Variants in MBD3 observed in about 807,000 individuals in gnomAD.
MBD3 encodes the protein methyl-CpG-binding domain protein 3.
Under a neutral mutation model 31.2 loss-of-function variants are expected in MBD3, and 13 were observed. That is an observed-to-expected ratio of 0.42 (90% CI 0.27 to 0.66). The LOEUF (loss-of-function observed/expected upper bound fraction) is 0.66. MBD3 is among the 30% of genes least tolerant of loss of function. The probability of loss-of-function intolerance (pLI) is 0.26; values close to 1 mark genes in which losing one functional copy is unlikely to be tolerated. For missense variants in MBD3, 440 were observed against 426.5 expected (o/e 1.03, Z -0.28); for synonymous variants, 223 against 187.4 (o/e 1.19, Z -1.55).
intron 1 of MBD3, chr19:1,586,366 C>T (rs570082723): frequency 1.3e-5 from 2 of 152,394 alleles, no homozygotes; most frequent in African/African-American, 4.8e-5. Context: ...CAGTGAGAGA[C>T]GCCAGACACA....
In MBD3 at chr19:1,584,920, C is replaced by T. The variant is rs1411177757; in HGVS notation, c.270+135G>A. 6.1e-6 allele frequency: 8 copies of T among 1,317,932 alleles called. No individual in the cohort carries two copies. The East Asian group carries it at 2.0e-4, about 34-fold the overall frequency. 81.6% of individuals were successfully genotyped at this position (1,317,932 alleles called of 1,614,324 possible). On this transcript the variant is annotated intron_variant, in intron 2 of 6. Transcript: ENST00000434436. ...CTCTGCACCCTGTGGCCTGCGCCTT[C>T]CGCTCTGTGCCCTCCGCCCGCTGTG...
Position 1,592,858 on chromosome 19 carries a change from G to A in MBD3, c.-227C>T, listed in dbSNP as rs1256022064. The A allele has an allele frequency of 7.0e-6, 1 of 142,132 alleles. No individual in the cohort carries two copies. The highest frequency in any genetic ancestry group is 1.5e-5 in the Non-Finnish European group (1 of 64,652). The allele number at this position is 142,132 out of a possible 1,614,324, so 8.8% of individuals were successfully genotyped here. ...AGCCCCCGCTCGGGGGGCCCGCTCC[G>A]CCCACCCGCCCGCGCGGGGCCCCGC... On this transcript the variant is annotated 5_prime_UTR_variant, in exon 1 of 7. Coordinates refer to ENST00000434436, the MANE Select transcript of MBD3 (RefSeq NM_001281453.2).
At position 1,575,999 on chromosome 19, in the gene MBD3, G is replaced by C. The variant is rs571938238; in HGVS notation, c.*2165C>G. ...TGCGACAGAGAGGGAGAGACAGCAA[G>C]AGACAGAGACAGAGACCGAGGGAGA... is the stretch of plus-strand genomic sequence containing the variant. On this transcript the variant is annotated 3_prime_UTR_variant, in exon 7 of 7. Transcript: ENST00000434436. 5.5e-4 allele frequency: 84 copies of C among 152,416 alleles called. No homozygotes were observed. Among genetic ancestry groups the C allele is most frequent in the Non-Finnish European group, 1.1e-3 (73 of 68,134 alleles). 9.4% of individuals were successfully genotyped at this position (152,416 alleles called of 1,614,324 possible). A position where few individuals can be genotyped will look rare whatever the true frequency, so the allele number is the denominator to read the frequency against.
chr19:1,584,426 CTGG>C, intron 3 of MBD3, 111 bp downstream of exon 3: 2 of 1,489,242 alleles, frequency 1.3e-6, no homozygotes, highest in Non-Finnish European at 9.2e-7. Flanking sequence ...CCAGGCTAGC[CTGG>C]AACTCCTGCG....
rs889589820 is a variant in MBD3 at position 1,583,817 on chromosome 19, A to T, written c.408+723T>A. 2.6e-5 allele frequency among the ~76,000 whole-genome samples: 4 copies of T among 152,164 alleles called. No individual in the cohort carries two copies. In the East Asian group the frequency reaches 5.8e-4, roughly 22 times the overall value. On this transcript the variant is annotated intron_variant, in intron 3 of 6. Transcript: ENST00000434436. Reference sequence around the variant, plus strand: ...AAACATTAGACCATTTCCATTTTTTAAAAATATTTTTATTTTATTTTTGAG... The same window carrying T: ...AAACATTAGACCATTTCCATTTTTTTAAAATATTTTTATTTTATTTTTGAG...
rs2145591754 is a variant in MBD3 at position 1,578,689 on chromosome 19, T to C, written c.678-151A>G. 1.3e-6 allele frequency: 2 copies of C among 1,502,690 alleles called. No homozygotes were observed. The highest frequency in any genetic ancestry group is 1.1e-5 in the South Asian group (1 of 87,920). 93.1% of individuals were successfully genotyped at this position (1,502,690 alleles called of 1,614,324 possible). On this transcript the variant is annotated intron_variant, in intron 5 of 6. Coordinates refer to ENST00000434436, the MANE Select transcript of MBD3 (RefSeq NM_001281453.2). The surrounding 1 kb of genome is among the most constrained non-coding windows in gnomAD (Gnocchi z 6.1). ...AGCCCTGGCCCGTGCCACCCCTCCC[T>C]TCACAATCCACGCAGAGAATGACCG...
Position 1,585,006 on chromosome 19 carries a change from C to G in MBD3, c.270+49G>C. On this transcript the variant is annotated intron_variant, in intron 2 of 6. Coordinates refer to ENST00000434436, the MANE Select transcript of MBD3 (RefSeq NM_001281453.2). The surrounding 1 kb of genome is among the most constrained non-coding windows in gnomAD (Gnocchi z 4.1). ...GCAGCTCACGTCATGGCCGCGTCCC[C>G]GCCTAGAACGCCCCGCGCCGACGTC... 1.2e-6 allele frequency: 2 copies of G among 1,602,128 alleles called. No individual in the cohort carries two copies. The highest frequency in any genetic ancestry group is 1.7e-6 in the Non-Finnish European group (2 of 1,178,322).
At chr19:1,583,235 G>A (rs947577794) in intron 3 of MBD3, 43 of 154,412 alleles carry the variant, frequency 2.8e-4, no homozygotes, top group Non-Finnish European at 5.1e-4. Context: ...AAAATTAGCC[G>A]TGCATTGTGA....
intron 4 of MBD3, 115 bp from the exon 5 acceptor site, chr19:1,581,384 C>G: frequency 9.4e-7 from 1 of 1,067,270 alleles, no homozygotes; most frequent in Non-Finnish European, 1.4e-6. Flanking sequence ...TTGGAAGGAA[C>G]CCCAACTTGG....
intron 5 of MBD3, among the ~76,000 whole-genome samples, chr19:1,580,320 C>T (rs553938433): frequency 2.4e-4 from 37 of 152,208 alleles, no homozygotes; most frequent in Non-Finnish European, 4.7e-4. Flanking sequence ...GTCTCAGGTC[C>T]ATCTGTTCAC....
Position 1,584,554 on chromosome 19 carries a change from C to A in MBD3, c.394G>T (p.Asp132Tyr). ...GTTGAGCTCACCTGGCGCGGCTGGT[C>A]CACCGCCTTCTGCGGGTCGCTCTTG... is the stretch of plus-strand genomic sequence containing the variant. ...KVKSDPQKAV[D>Y]QPRQLFWEKK... is the part of the protein sequence containing the mutation. The change falls in exon 3 of 7, where the codon GAC (aspartate) becomes TAC (tyrosine). Residue 132 changes from aspartate to tyrosine, a missense_variant. By Grantham distance (160) the Asp-to-Tyr change is radical (BLOSUM62 -3). This residue lies in a region of MBD3 where 144 missense variants were observed against 196.9 expected (regional missense o/e 0.73). Transcript: ENST00000434436. The A allele has an allele frequency of 6.2e-7, 1 of 1,613,586 alleles. No homozygotes were observed.
rs768982789 is a variant in MBD3 at position 1,578,338 on chromosome 19, C to A, written c.*2G>T. 4.4e-6 allele frequency: 7 copies of A among 1,602,876 alleles called. No homozygotes were observed. In the South Asian group the frequency reaches 7.7e-5, roughly 18 times the overall value. On this transcript the variant is annotated 3_prime_UTR_variant, in exon 6 of 7. Coordinates refer to ENST00000434436, the MANE Select transcript of MBD3 (RefSeq NM_001281453.2). This position sits in a 1 kb window ranked among gnomAD's most constrained non-coding sequence, Gnocchi z 6.1. Reference sequence around the variant, plus strand: ...AGCCCCCGTGGCCCCGCAGCACCTGCCCTAGACGTGCTCCATCTCCGGGTC... The same window carrying A: ...AGCCCCCGTGGCCCCGCAGCACCTGACCTAGACGTGCTCCATCTCCGGGTC...
At chr19:1,588,612 T>C (rs77056658) in intron 1 of MBD3, among the ~76,000 whole-genome samples, 33,932 of 151,102 alleles carry the variant, frequency 0.22, 3,915 homozygotes, top group East Asian at 0.4. Flanking sequence ...TGAAACCCGT[T>C]TCTACTAAAA....
At chr19:1,582,771 C>G in intron 3 of MBD3, 59 bp from the exon 4 acceptor site, 2 of 1,501,012 alleles carry the variant, frequency 1.3e-6, no homozygotes, top group South Asian at 2.3e-5. Flanking sequence ...CACTCCAGGT[C>G]CTTGCTGGGC....
intron 2 of MBD3, 70 bp downstream of exon 2, chr19:1,584,985 C>G (rs1454331902): frequency 6.3e-7 from 1 of 1,588,244 alleles, no homozygotes; most frequent in Non-Finnish European, 8.5e-7. Flanking sequence ...TCGCCTGCAG[C>G]TCACGTCATG....
chr19:1,580,304 G>T (rs1917321420), intron 5 of MBD3, among the ~76,000 whole-genome samples: 1 of 152,146 alleles, frequency 6.6e-6, no homozygotes, highest in Non-Finnish European at 1.5e-5. Flanking sequence ...TGCTTGTGGG[G>T]GTGGCGTCTC....
rs1916493959 is a variant in MBD3 at position 1,575,687 on chromosome 19, G to C, written c.*2477C>G. On this transcript the variant is annotated 3_prime_UTR_variant, in exon 7 of 7. Transcript: ENST00000434436. ...GAATTTGACGAGGGCCTGAGCACTG[G>C]GCTGGCCCCTCAGGTGCCCACGCCT... is the stretch of plus-strand genomic sequence containing the variant. The C allele has an allele frequency of 6.4e-6, 1 of 155,754 alleles. No individual in the cohort carries two copies. The highest frequency in any genetic ancestry group is 1.4e-5 in the Non-Finnish European group (1 of 70,192). The allele number at this position is 155,754 out of a possible 1,614,324, so 9.6% of individuals were successfully genotyped here.
chr19:1,580,539 G>T (rs917879235), intron 5 of MBD3, among the ~76,000 whole-genome samples: 5 of 152,230 alleles, frequency 3.3e-5, no homozygotes, highest in Admixed American at 6.5e-5. Context: ...AGCACTTCCA[G>T]AGTTTCCTGC....
At chr19:1,584,976 C>T (rs2145602592) in intron 2 of MBD3, 79 bp downstream of exon 2, 1 of 1,574,524 alleles carries the variant, frequency 6.4e-7, no homozygotes, top group Non-Finnish European at 8.6e-7. Context: ...CGGGCTGTGT[C>T]GCCTGCAGCT....
Sources: allele counts gnomAD v4.1 joint callset (sites outside exome capture counted in the v4.1 genomes callset), GRCh38; gene constraint gnomAD v4.1.1; regional missense constraint gnomAD v4.1.1; non-coding constraint Gnocchi (gnomAD v3.1); transcripts MANE v1.5; gene names NCBI Gene and HGNC (gene_info 2026-07-23, HGNC 2026-07-21).